ITGA9: variants seen among roughly 807,000 people sequenced by gnomAD.
ITGA9 encodes the protein integrin alpha-9.
A neutral mutation model predicts 127.8 loss-of-function variants in ITGA9; 56 were observed. The ratio of observed to expected loss-of-function variants is 0.44; its 90% confidence interval spans 0.35 to 0.55. The LOEUF (loss-of-function observed/expected upper bound fraction) is 0.55, where lower values mean the gene tolerates loss of function less well. ITGA9 is among the 20% of genes least tolerant of loss of function. The pLI is 0.00. For synonymous variants in ITGA9, 508 were observed against 514.5 expected, an observed-to-expected ratio of 0.99 and a Z score of 0.17; for missense variants, 1,196 against 1,347.1, an observed-to-expected ratio of 0.89 and a Z score of 1.76.
chr3:37,685,474 T>C (rs1700773965), intron 18 of ITGA9, among the ~76,000 whole-genome samples: 1 of 152,124 alleles, frequency 6.6e-6, no homozygotes, highest in South Asian at 2.1e-4. Context: ...GAGAACCAAG[T>C]ATCTGTATGG....
chr3:37,748,538 A>G (rs967276068), intron 22 of ITGA9: 6 of 469,818 alleles, frequency 1.3e-5, no homozygotes, highest in Non-Finnish European at 2.3e-5. Context: ...ACCTGAGGTC[A>G]GGAGTTTGAG....
rs1430037513 is a variant in ITGA9 at position 37,735,314 on chromosome 3, C to G, written c.2155-1590C>G. Among the ~76,000 whole-genome samples, 8 of 152,194 alleles carry G rather than the reference C, an allele frequency of 5.3e-5. 1 individual carries two copies. On this transcript the variant is annotated intron_variant, in intron 19 of 27. Transcript: ENST00000264741. ...TCTTCCTTCTTGTCCTCTTCCCGCC[C>G]TGTCTCCATGCCTGCCCCCCACCCC...
At chr3:37,599,113 C>A (rs559971809) in intron 15 of ITGA9, among the ~76,000 whole-genome samples, 56 of 152,332 alleles carry the variant, frequency 3.7e-4, no homozygotes, top group African/African-American at 1.3e-3. Flanking sequence ...AGTTCTTTCC[C>A]TGAGCAACAG....
intron 23 of ITGA9, among the ~76,000 whole-genome samples, chr3:37,773,068 C>G (rs1412561315): frequency 2.0e-5 from 3 of 152,212 alleles, no homozygotes; most frequent in Non-Finnish European, 4.4e-5. Context: ...CCGCTGGCGT[C>G]TTGTGGCCAG....
chr3:37,501,380 CTTGTTAG>C (rs1466972830), intron 5 of ITGA9, among the ~76,000 whole-genome samples: 2 of 151,994 alleles, frequency 1.3e-5, no homozygotes, highest in Non-Finnish European at 2.9e-5. Context: ...TGATGACTTC[CTTGTTAG>C]TGTTTAATCA....
intron 15 of ITGA9, chr3:37,585,638 GAAGAATGTTTGTGGCTA>G (rs1186536525): frequency 1.9e-6 from 1 of 516,424 alleles, no homozygotes; most frequent in Non-Finnish European, 3.9e-6. Flanking sequence ...AAGGGAACAT[GAAGAATGTTTGTGGCTA>G]AAGAAGTCTC....
intron 15 of ITGA9, among the ~76,000 whole-genome samples, chr3:37,573,636 A>G (rs1293551655): frequency 6.6e-6 from 1 of 152,200 alleles, no homozygotes; most frequent in Non-Finnish European, 1.5e-5. Context: ...TCCTCAGAGC[A>G]TGGCAACCTG....
At chr3:37,700,239 C>T (rs902361847) in intron 18 of ITGA9, among the ~76,000 whole-genome samples, 1 of 152,186 alleles carries the variant, frequency 6.6e-6, no homozygotes, top group Non-Finnish European at 1.5e-5. Context: ...CCTCCTTGGC[C>T]TCCCAAAGTG....
rs189637753 is a variant in ITGA9 at position 37,482,551 on chromosome 3, A to G, written c.544+944A>G. ...TATTTCTTAATTCCCCTCCTACTTT[A>G]TTTGGACAGAAGTCTCACTGGCTTA... is the stretch of plus-strand genomic sequence containing the variant. On this transcript the variant is annotated intron_variant, in intron 4 of 27. Transcript: ENST00000264741. Among the ~76,000 whole-genome samples, 106 of 152,246 alleles carry G rather than the reference A, an allele frequency of 7.0e-4. 1 individual carries two copies. Among genetic ancestry groups the G allele is most frequent in the Non-Finnish European group, 3.5e-4 (24 of 68,000 alleles).
At chr3:37,655,834 G>A (rs762707973) in intron 17 of ITGA9, among the ~76,000 whole-genome samples, 2 of 152,052 alleles carry the variant, frequency 1.3e-5, no homozygotes, top group African/African-American at 2.4e-5. Flanking sequence ...TAGGTCTTAC[G>A]TTTAACTCTT....
At chr3:37,566,724 A>G (rs1238821398) in intron 15 of ITGA9, among the ~76,000 whole-genome samples, 1 of 152,174 alleles carries the variant, frequency 6.6e-6, no homozygotes, top group African/African-American at 2.4e-5. Flanking sequence ...GTGGCTGATC[A>G]TCTTGTTCTT....
intron 15 of ITGA9, among the ~76,000 whole-genome samples, chr3:37,563,573 A>C (rs1312376065): frequency 6.6e-6 from 1 of 152,156 alleles, no homozygotes; most frequent in Non-Finnish European, 1.5e-5. Context: ...GGAATGTCTA[A>C]TTCTTTCTCA....
chr3:37,747,280 G>T (rs1272548429), intron 22 of ITGA9, among the ~76,000 whole-genome samples: 1 of 151,908 alleles, frequency 6.6e-6, no homozygotes, highest in East Asian at 1.9e-4. Context: ...GTGAGTACAT[G>T]GTAGGTGTAT....
chr3:37,686,588 T>C (rs185896683), intron 18 of ITGA9, among the ~76,000 whole-genome samples: 1 of 152,304 alleles, frequency 6.6e-6, no homozygotes. Context: ...TTTTGATCTC[T>C]TTGCCATTGA....
rs556540906 is a variant in ITGA9, at chr3:37,742,311, C to T, written c.2324+492C>T. ...TGCTTGTTTCTGTTAACTCCCTCTG[C>T]AGAGCCAGAGGTGGCTTTTCCTGAT... On this transcript the variant is annotated intron_variant, in intron 21 of 27. Coordinates refer to ENST00000264741, the MANE Select transcript of ITGA9 (RefSeq NM_002207.3). Among the ~76,000 whole-genome samples the T allele has an allele frequency of 2.6e-5, 4 of 152,238 alleles. No individual in the cohort carries two copies. In the East Asian group the frequency reaches 7.7e-4, roughly 29 times the overall value.
chr3:37,777,779 A>G (rs955801241), intron 24 of ITGA9, among the ~76,000 whole-genome samples: 1 of 152,272 alleles, frequency 6.6e-6, no homozygotes, highest in Non-Finnish European at 1.5e-5. Context: ...CACTAGAATG[A>G]GTCTAAACAA....
chr3:37,730,201 A>G lies in ITGA9; in HGVS notation c.2068-2511A>G, dbSNP rs149183058. Among the ~76,000 whole-genome samples, 8 of 152,252 alleles carry G rather than the reference A, an allele frequency of 5.3e-5. No individual in the cohort carries two copies. The East Asian group carries it at 1.5e-3, about 29-fold the overall frequency. Reference sequence around the variant, plus strand: ...TATATATATTTGCTTATCCTGGGACACTCTTGAGACTAATTATACCAGAAT... The same window carrying G: ...TATATATATTTGCTTATCCTGGGACGCTCTTGAGACTAATTATACCAGAAT... On this transcript the variant is annotated intron_variant, in intron 18 of 27. Coordinates refer to ENST00000264741, the MANE Select transcript of ITGA9 (RefSeq NM_002207.3).
At chr3:37,795,652 C>T (rs923831449) in intron 26 of ITGA9, among the ~76,000 whole-genome samples, 3 of 152,108 alleles carry the variant, frequency 2.0e-5, no homozygotes, top group East Asian at 1.9e-4. Context: ...AGCCAGGGTC[C>T]GCACCAGGCC....
At chr3:37,671,852 C>T (rs975603467) in intron 17 of ITGA9, among the ~76,000 whole-genome samples, 1 of 152,136 alleles carries the variant, frequency 6.6e-6, no homozygotes, top group Non-Finnish European at 1.5e-5. Context: ...CATAGTAACT[C>T]ACTCCCAGAG....
Sources: gnomAD v4.1 joint callset for allele counts (sites outside exome capture counted in the v4.1 genomes callset) on GRCh38, gnomAD v4.1.1 for gene constraint, MANE v1.5 for transcripts, NCBI Gene and HGNC (gene_info 2026-07-23, HGNC 2026-07-21) for gene names.